The following MRS2 variants were observed in gnomAD, a reference collection of about 807,000 sequenced individuals.
The protein encoded by MRS2 is magnesium transporter MRS2 homolog, mitochondrial.
A neutral mutation model predicts 52.6 loss-of-function variants in MRS2; 40 were observed. The observed-to-expected ratio is 0.76, with a 90% confidence interval of 0.59 to 0.99. The LOEUF (loss-of-function observed/expected upper bound fraction) is 0.99, where lower values mean the gene tolerates loss of function less well. MRS2 is among the 50% of genes least tolerant of loss of function. The pLI, the probability that MRS2 is intolerant of heterozygous loss-of-function variation, is 0.00. For missense variants in MRS2, 472 were observed against 532.7 expected, an observed-to-expected ratio of 0.89 and a Z score of 1.12; for synonymous variants, 193 against 195.9, an observed-to-expected ratio of 0.98 and a Z score of 0.13.
At position 24,418,591 on chromosome 6, in the gene MRS2, T is replaced by C; in HGVS notation, c.1107+13T>C. 1.3e-6 allele frequency: 2 copies of C among 1,592,260 alleles called. No individual in the cohort carries two copies. The highest frequency in any genetic ancestry group is 1.7e-6 in the Non-Finnish European group (2 of 1,161,050). Reference sequence around the variant, plus strand: ...TTCCCTTGAAGAGGTGAGAATGTATTATTATTTCTAAAACTTGGGGGTTTT... The same window carrying C: ...TTCCCTTGAAGAGGTGAGAATGTATCATTATTTCTAAAACTTGGGGGTTTT... On this transcript the variant is annotated intron_variant, in intron 9 of 10. Transcript: ENST00000378386.
chr6:24,412,216 T>TTTTA lies in MRS2; in HGVS notation c.415-6_415-5insTTTA. The TTTTA allele has an allele frequency of 6.5e-7, 1 of 1,534,398 alleles. No individual in the cohort carries two copies. Among genetic ancestry groups the TTTTA allele is most frequent in the South Asian group, 1.3e-5 (1 of 79,188 alleles). ...TTATATGTTTTGGTTTTTTTTTTTT[T>TTTTA]AACAGTATTTGAAAGCTGTGATAAC... On this transcript the variant is annotated splice_region_variant and splice_polypyrimidine_tract_variant and intron_variant, in intron 4 of 10. Transcript: ENST00000378386.
rs1417025672 is a variant in MRS2 at position 24,408,421 on chromosome 6, A to G, written c.278A>G (p.Lys93Arg). ...CTCTATTTTCAGACAAAATTTGACA[A>G]ACAGGGAAACGTTACTTCTTTTGGT... ...APVFTVTKFD[K>R]QGNVTSFERK... is the part of the protein sequence containing the mutation. Residue 93 changes from lysine to arginine, a missense_variant, in exon 3 of 11, where the codon AAA becomes AGA. By Grantham distance (26) the Lys-to-Arg change is conservative (BLOSUM62 2). Transcript: ENST00000378386. 6.3e-7 allele frequency: 1 copy of G among 1,587,728 alleles called. No homozygotes were observed. The highest frequency in any genetic ancestry group is 8.6e-7 in the Non-Finnish European group (1 of 1,157,170).
intron 9 of MRS2, among the ~76,000 whole-genome samples, chr6:24,421,503 A>G (rs992210692): frequency 2.0e-5 from 3 of 152,246 alleles, no homozygotes; most frequent in Non-Finnish European, 4.4e-5. Flanking sequence ...TAGGAAAAAT[A>G]TTTTAAGATA....
In MRS2 at chr6:24,422,992, T is replaced by G; in HGVS notation, c.1163T>G (p.Ile388Ser). The change falls in exon 10 of 11, where the codon ATC (isoleucine) becomes AGC (serine). Residue 388 changes from isoleucine (I) to serine (S), a missense_variant. Transcript: ENST00000378386. ...ATTATGTTCATGGGAAGTGGCCTCA[T>G]CTGGAGGCGCCTGCTTTCATTCCTT... is the stretch of plus-strand genomic sequence containing the variant. ...TGIMFMGSGLIWRRLLSFLGR... is the reference protein window; with the variant it reads ...TGIMFMGSGLSWRRLLSFLGR... 6.2e-7 allele frequency: 1 copy of G among 1,614,130 alleles called. No individual in the cohort carries two copies. Among genetic ancestry groups the G allele is most frequent in the Non-Finnish European group, 8.5e-7 (1 of 1,179,992 alleles).
At position 24,407,865 on chromosome 6, in the gene MRS2, G is replaced by A. The variant is rs1761528291; in HGVS notation, c.265-543G>A. Among the ~76,000 whole-genome samples, 3 of 152,172 alleles carry A rather than the reference G, an allele frequency of 2.0e-5. No homozygotes were observed. The South Asian group carries it at 6.2e-4, about 31-fold the overall frequency. On this transcript the variant is annotated intron_variant, in intron 2 of 10. Transcript: ENST00000378386. ...CCTCTGAGTGATCGCTCAGTGACAA[G>A]GAGATAAGATTCTCAAAGGTGGATG...
At chr6:24,415,704 C>G (rs1472290192) in intron 6 of MRS2, among the ~76,000 whole-genome samples, 1 of 152,182 alleles carries the variant, frequency 6.6e-6, no homozygotes, top group East Asian at 1.9e-4. Flanking sequence ...TATATTATCA[C>G]TGCCATGTTG....
intron 5 of MRS2, among the ~76,000 whole-genome samples, chr6:24,412,692 GC>G (rs1244962283): frequency 6.6e-6 from 1 of 152,114 alleles, no homozygotes; most frequent in Non-Finnish European, 1.5e-5. Flanking sequence ...CTTTGTTTGA[GC>G]CAGGTAAATG....
chr6:24,408,513 TGTA>T lies in MRS2; in HGVS notation c.301+73_301+75del, dbSNP rs1217852037. ...GTGAATCTGATAGAAATCAAGAAAT[TGTA>T]GTATTTTGAGTAAAATATTCTTTGC... On this transcript the variant is annotated intron_variant, in intron 3 of 10. Coordinates refer to ENST00000378386, the MANE Select transcript of MRS2 (RefSeq NM_020662.4). The T allele has an allele frequency of 1.5e-4, 167 of 1,108,838 alleles. 1 individual carries two copies. The East Asian group carries it at 3.7e-3, about 25-fold the overall frequency. 68.7% of individuals were successfully genotyped at this position (1,108,838 alleles called of 1,614,324 possible). A position where few individuals can be genotyped will look rare whatever the true frequency, so the allele number is the denominator to read the frequency against.
At chr6:24,420,798 C>G (rs569706128) in intron 9 of MRS2, among the ~76,000 whole-genome samples, 44 of 152,052 alleles carry the variant, frequency 2.9e-4, no homozygotes, top group Non-Finnish European at 4.0e-4. Flanking sequence ...CAGGAACGAT[C>G]TGAGCTTGTT....
At chr6:24,407,862 C>T (rs534432701) in intron 2 of MRS2, among the ~76,000 whole-genome samples, 1 of 152,240 alleles carries the variant, frequency 6.6e-6, no homozygotes, top group African/African-American at 2.4e-5. Flanking sequence ...CGCTCAGTGA[C>T]AAGGAGATAA....
At chr6:24,414,399 T>A (rs1761768483) in intron 5 of MRS2, among the ~76,000 whole-genome samples, 1 of 151,968 alleles carries the variant, frequency 6.6e-6, no homozygotes, top group South Asian at 2.1e-4. Context: ...AAGCACATCT[T>A]GCACCGCCCT....
chr6:24,409,974 GAC>G (rs1761598742), intron 4 of MRS2, among the ~76,000 whole-genome samples: 1 of 152,096 alleles, frequency 6.6e-6, no homozygotes, highest in South Asian at 2.1e-4. Flanking sequence ...CACAGGAATA[GAC>G]ATTAAATTTT....
chr6:24,411,676 C>G (rs1029754425), intron 4 of MRS2, among the ~76,000 whole-genome samples: 1 of 152,118 alleles, frequency 6.6e-6, no homozygotes, highest in African/African-American at 2.4e-5. Flanking sequence ...GTAGCTGGGA[C>G]TACAGGTGTG....
intron 9 of MRS2, 58 bp downstream of exon 9, chr6:24,418,636 T>C: frequency 7.5e-7 from 1 of 1,324,932 alleles, no homozygotes. Context: ...TGGTGGCTCA[T>C]GTCAGTAATC....
chr6:24,423,451 C>T (rs1011327213), intron 10 of MRS2, 133 bp from the exon 11 acceptor site: 2 of 500,168 alleles, frequency 4.0e-6, no homozygotes, highest in East Asian at 3.1e-5. Context: ...AAGATGGCAC[C>T]ACTGGAATAA....
At position 24,412,208 on chromosome 6, in the gene MRS2, T is replaced by G; in HGVS notation, c.415-14T>G. 1 of 1,530,598 alleles carries G rather than the reference T, an allele frequency of 6.5e-7. No individual in the cohort carries two copies. Among genetic ancestry groups the G allele is most frequent in the East Asian group, 2.3e-5 (1 of 43,788 alleles). The allele number at this position is 1,530,598 out of a possible 1,614,324, so 94.8% of individuals were successfully genotyped here. A position where few individuals can be genotyped will look rare whatever the true frequency, so the allele number is the denominator to read the frequency against. ...TCACATATTTATATGTTTTGGTTTTTTTTTTTTTAACAGTATTTGAAAGCT... is the reference window on the plus strand; with the variant it reads ...TCACATATTTATATGTTTTGGTTTTGTTTTTTTTAACAGTATTTGAAAGCT... On this transcript the variant is annotated splice_polypyrimidine_tract_variant and intron_variant, in intron 4 of 10. Transcript: ENST00000378386.
chr6:24,409,361 C>A, intron 3 of MRS2, 100 bp from the exon 4 acceptor site: 1 of 600,546 alleles, frequency 1.7e-6, no homozygotes. Context: ...CTGGTAGTAA[C>A]CAAAAATTGT....
intron 9 of MRS2, among the ~76,000 whole-genome samples, chr6:24,421,661 A>C (rs1007189598): frequency 7.0e-6 from 1 of 142,198 alleles, no homozygotes; most frequent in Non-Finnish European, 1.6e-5. Flanking sequence ...ACTAAGAACA[A>C]ATGTGATGTT....
At chr6:24,412,547 T>C (rs1761702925) in intron 5 of MRS2, 152 bp downstream of exon 5, 1 of 491,134 alleles carries the variant, frequency 2.0e-6, no homozygotes, top group Non-Finnish European at 3.6e-6. Flanking sequence ...CATGGAGATA[T>C]CACTTAATTC....
Sources: gnomAD v4.1 joint callset for allele counts (sites outside exome capture counted in the v4.1 genomes callset) on GRCh38, gnomAD v4.1.1 for gene constraint, MANE v1.5 for transcripts, NCBI Gene and HGNC (gene_info 2026-07-23, HGNC 2026-07-21) for gene names.